Variants in LRRC47 observed in about 807,000 individuals in gnomAD.
The protein encoded by LRRC47 is leucine rich repeat containing 47.
Under a neutral mutation model 40.9 loss-of-function variants are expected in LRRC47, and 31 were observed. The ratio of observed to expected loss-of-function variants is 0.76; its 90% CI spans 0.57 to 1.02. The LOEUF is 1.02. Among genes scored for constraint, LRRC47 ranks in the 50% least tolerant of loss-of-function variants. The pLI, the probability that LRRC47 is intolerant of heterozygous loss-of-function variation, is 0.00. For synonymous variants in LRRC47, 427 were observed against 371.9 expected, an observed-to-expected ratio of 1.15 and a Z score of -1.70; for missense variants, 726 against 796.1, an observed-to-expected ratio of 0.91 and a Z score of 1.06.
chr1:3,783,139 G>T (rs924325116), intron 4 of LRRC47: 1 of 183,096 alleles, frequency 5.5e-6, no homozygotes, highest in Non-Finnish European at 1.2e-5. Context: ...AAAAGGCACA[G>T]CTGGGCGTGG....
intron 3 of LRRC47, among the ~76,000 whole-genome samples, chr1:3,784,426 G>A (rs1478439466): frequency 6.6e-6 from 1 of 152,224 alleles, no homozygotes; most frequent in Non-Finnish European, 1.5e-5. Flanking sequence ...GAAAGGCTGA[G>A]CAGCCGGGAC....
chr1:3,787,877 GGAAAGCCGA>G (rs1643591154), intron 1 of LRRC47, among the ~76,000 whole-genome samples: 1 of 152,242 alleles, frequency 6.6e-6, no homozygotes, highest in Non-Finnish European at 1.5e-5. Context: ...GAAGGAAAGG[GGAAAGCCGA>G]CTTCAACGGC....
At position 3,796,456 on chromosome 1, in the gene LRRC47, T is replaced by A. The variant is rs1266013944; in HGVS notation, c.21A>T (p.Ser7=). ...CCAGCTCCAGCTCCGGCCAAGACTC[T>A]GACACCGCTGCCGCCGCCATGGCGC... MAAAAV[S]ESWPELELAE... Residue 7 remains serine, a synonymous_variant, in exon 1 of 7, where the codon TCA becomes TCT. Transcript: ENST00000378251. 2 of 1,515,570 alleles carry A rather than the reference T, an allele frequency of 1.3e-6. No individual in the cohort carries two copies. The highest frequency in any genetic ancestry group is 1.8e-6 in the Non-Finnish European group (2 of 1,140,390). 93.9% of individuals were successfully genotyped at this position (1,515,570 alleles called of 1,614,324 possible).
chr1:3,795,955 G>T lies in LRRC47; in HGVS notation c.522C>A (p.Arg174=), dbSNP rs1011946696. The T allele has an allele frequency of 6.3e-7, 1 of 1,596,094 alleles. No individual in the cohort carries two copies. The change falls in exon 1 of 7, where the codon CGC becomes CGA. Residue 174 remains arginine, a synonymous_variant. Coordinates refer to ENST00000378251, the MANE Select transcript of LRRC47 (RefSeq NM_020710.3). Reference sequence around the variant, plus strand: ...CACTGAGCAGGGGCAGCGCGCCGGGGCGAAAGAGCTCGGCGGGAAAGGAGT... The same window carrying T: ...CACTGAGCAGGGGCAGCGCGCCGGGTCGAAAGAGCTCGGCGGGAAAGGAGT... ...CLDSFPAELF[R]PGALPLLSEL... is the part of the protein sequence containing the mutation.
chr1:3,786,526 C>T (rs1643575077), intron 2 of LRRC47, among the ~76,000 whole-genome samples: 2 of 151,998 alleles, frequency 1.3e-5, no homozygotes, highest in Non-Finnish European at 2.9e-5. Context: ...AAACCGTTAA[C>T]ACCATATGTG....
rs766537785 is a variant in LRRC47, at chr1:3,779,419, C to T, written c.*1669G>A. The T allele has an allele frequency of 1.3e-5, 2 of 152,182 alleles. No homozygotes were observed. The highest frequency in any genetic ancestry group is 1.5e-5 in the Non-Finnish European group (1 of 68,028). 9.4% of individuals were successfully genotyped at this position (152,182 alleles called of 1,614,324 possible). ...TCTGCTTCTCACATGGCACCCAGAT[C>T]GTAAGGCAGTGGGGTCTGTAAAATC... On this transcript the variant is annotated 3_prime_UTR_variant, in exon 7 of 7. Coordinates refer to ENST00000378251, the MANE Select transcript of LRRC47 (RefSeq NM_020710.3).
At position 3,795,852 on chromosome 1, in the gene LRRC47, C is replaced by T. The variant is rs1202989060; in HGVS notation, c.615+10G>A. The T allele has an allele frequency of 4.5e-6, 7 of 1,562,630 alleles. No individual in the cohort carries two copies. Among genetic ancestry groups the T allele is most frequent in the Non-Finnish European group, 6.0e-6 (7 of 1,161,456 alleles). ...CCCCATCCCGCCCCGCCCGGGCAGC[C>T]CCCGCTGACCTTGAGCGAGGCCAGG... On this transcript the variant is annotated intron_variant, in intron 1 of 6. Transcript: ENST00000378251.
chr1:3,786,580 G>A (rs976179396), intron 2 of LRRC47, among the ~76,000 whole-genome samples: 1 of 152,182 alleles, frequency 6.6e-6, no homozygotes. Context: ...AACCAGGCCA[G>A]GGTGCAGGCG....
At chr1:3,789,943 G>A (rs986742791) in intron 1 of LRRC47, among the ~76,000 whole-genome samples, 9 of 152,214 alleles carry the variant, frequency 5.9e-5, no homozygotes, top group Non-Finnish European at 1.2e-4. Flanking sequence ...AAGCAGGCGC[G>A]CCCGCAAGGA....
At position 3,787,204 on chromosome 1, in the gene LRRC47, C is replaced by A; in HGVS notation, c.722G>T (p.Arg241Leu). Residue 241 changes from arginine to leucine, a missense_variant, in exon 2 of 7, where the codon CGC becomes CTC. By Grantham distance (102) the Arg-to-Leu change is moderately radical (BLOSUM62 -2). Coordinates refer to ENST00000378251, the MANE Select transcript of LRRC47 (RefSeq NM_020710.3). ...GCAGCCGCTGACCATCTTCTCCAGGCGCTTGTCCCTCAGCTTGTTCCCACG... is the reference window on the plus strand; with the variant it reads ...GCAGCCGCTGACCATCTTCTCCAGGAGCTTGTCCCTCAGCTTGTTCCCACG... ...NFRGNKLRDK[R>L]LEKMVSGCQT... 1 of 1,613,878 alleles carries A rather than the reference C, an allele frequency of 6.2e-7. No homozygotes were observed. Among genetic ancestry groups the A allele is most frequent in the Middle Eastern group, 1.6e-4 (1 of 6,062 alleles).
rs767059149 is a variant in LRRC47, at chr1:3,789,571, C to T, written c.616-2261G>A. On this transcript the variant is annotated intron_variant, in intron 1 of 6. Transcript: ENST00000378251. ...CAGCCTGCAGCCTGCAGTGAGTCCC[C>T]GAAAGGATGATGGCGGGCACTCGGA... is the stretch of plus-strand genomic sequence containing the variant. 1.1e-4 allele frequency among the ~76,000 whole-genome samples: 17 copies of T among 152,246 alleles called. 1 individual carries two copies. The highest frequency in any genetic ancestry group is 1.6e-4 in the Non-Finnish European group (11 of 68,044).
At position 3,786,999 on chromosome 1, in the gene LRRC47, G is replaced by A. The variant is rs1259282055; in HGVS notation, c.927C>T (p.Leu309=). 2 of 1,612,014 alleles carry A rather than the reference G, an allele frequency of 1.2e-6. No individual in the cohort carries two copies. The highest frequency in any genetic ancestry group is 8.5e-7 in the Non-Finnish European group (1 of 1,179,204). ...GGTTTTCAGAGACGTGCAGGACCCT[G>A]AGCAGCAGCCGGCCGGCATCTCCCA... ...QDVGDAGRLL[L]RVLHVSENPV... Residue 309 remains leucine (L), a synonymous_variant, in exon 2 of 7, where the codon CTC becomes CTT. Coordinates refer to ENST00000378251, the MANE Select transcript of LRRC47 (RefSeq NM_020710.3).
intron 4 of LRRC47, 110 bp from the exon 5 acceptor site, chr1:3,782,873 C>G (rs1180779433): frequency 1.4e-6 from 1 of 722,328 alleles, no homozygotes. Context: ...GACAGGAGGG[C>G]TGCATGGGCC....
intron 1 of LRRC47, among the ~76,000 whole-genome samples, chr1:3,791,451 C>T (rs1233437246): frequency 1.3e-5 from 2 of 152,160 alleles, no homozygotes; most frequent in African/African-American, 2.4e-5. Flanking sequence ...CTTTCCTCCC[C>T]CTTCTTTCTC....
chr1:3,782,100 T>C (rs1643525975), intron 5 of LRRC47, among the ~76,000 whole-genome samples: 1 of 152,206 alleles, frequency 6.6e-6, no homozygotes, highest in African/African-American at 2.4e-5. Flanking sequence ...CAGTGAGCTG[T>C]AGCTCTGAGA....
rs1312077403 is a variant in LRRC47, at chr1:3,779,876, G to C, written c.*1212C>G. ...CAGCCTACAGGCTGCTTGCCTGAAGGGGTCTCCACATCTCCACCCCCACAA... is the reference window on the plus strand; with the variant it reads ...CAGCCTACAGGCTGCTTGCCTGAAGCGGTCTCCACATCTCCACCCCCACAA... On this transcript the variant is annotated 3_prime_UTR_variant, in exon 7 of 7. Transcript: ENST00000378251. 6.6e-6 allele frequency: 1 copy of C among 152,098 alleles called. No homozygotes were observed. The highest frequency in any genetic ancestry group is 1.5e-5 in the Non-Finnish European group (1 of 68,030). 9.4% of individuals were successfully genotyped at this position (152,098 alleles called of 1,614,324 possible). A position where few individuals can be genotyped will look rare whatever the true frequency, so the allele number is the denominator to read the frequency against.
At position 3,796,134 on chromosome 1, in the gene LRRC47, GCAGCGCCTC is replaced by G; in HGVS notation, c.334_342del (p.Glu112_Leu114del). 1 of 1,432,550 alleles carries G rather than the reference GCAGCGCCTC, an allele frequency of 7.0e-7. No individual in the cohort carries two copies. The highest frequency in any genetic ancestry group is 9.1e-7 in the Non-Finnish European group (1 of 1,100,634). The allele number at this position is 1,432,550 out of a possible 1,614,324, so 88.7% of individuals were successfully genotyped here. A position where few individuals can be genotyped will look rare whatever the true frequency, so the allele number is the denominator to read the frequency against. On this transcript the variant is annotated inframe_deletion, in exon 1 of 7. Transcript: ENST00000378251. ...GCGGGGCCCAGGCCTTGGCCCGGCGGCAGCGCCTCCAGCGCGTTGCCCGACAGGTCGAGC... is the reference window on the plus strand; with the variant it reads ...GCGGGGCCCAGGCCTTGGCCCGGCGGCAGCGCGTTGCCCGACAGGTCGAGC...
intron 3 of LRRC47, 38 bp from the exon 4 acceptor site, chr1:3,784,149 A>G: frequency 6.5e-7 from 1 of 1,549,260 alleles, no homozygotes; most frequent in Non-Finnish European, 8.8e-7. Flanking sequence ...CTAGGGTCAC[A>G]GCCACAGAAC....
chr1:3,794,201 CAAT>C (rs918664511), intron 1 of LRRC47, among the ~76,000 whole-genome samples: 13 of 151,876 alleles, frequency 8.6e-5, no homozygotes, highest in Middle Eastern at 3.4e-3. Context: ...TCTCAAACAA[CAAT>C]AATAATAACA....
Sources: gnomAD v4.1 joint callset for allele counts (sites outside exome capture counted in the v4.1 genomes callset) on GRCh38, gnomAD v4.1.1 for gene constraint, MANE v1.5 for transcripts, NCBI Gene and HGNC (gene_info 2026-07-23, HGNC 2026-07-21) for gene names.